Variants in CACNB2 observed in about 807,000 individuals in gnomAD.
CACNB2 encodes the protein voltage-dependent L-type calcium channel subunit beta-2.
Under a neutral mutation model 73.3 loss-of-function variants are expected in CACNB2, and 42 were observed. The observed-to-expected ratio is 0.57, with a 90% CI of 0.45 to 0.74. The LOEUF is 0.74. Ranked by LOEUF, CACNB2 falls within the 30% of genes least tolerant of loss-of-function variation. The pLI, the probability that CACNB2 is intolerant of heterozygous loss-of-function variation, is 0.00. For missense variants in CACNB2, 940 were observed against 853.0 expected, an observed-to-expected ratio of 1.10 and a Z score of -1.27; for synonymous variants, 348 against 310.3, an observed-to-expected ratio of 1.12 and a Z score of -1.28.
At chr10:18,350,587 A>G (rs577311086) in intron 2 of CACNB2, among the ~76,000 whole-genome samples, 7 of 152,064 alleles carry the variant, frequency 4.6e-5, no homozygotes, top group Non-Finnish European at 1.0e-4. Context: ...ACCCAGGGGT[A>G]CCTCCTTGAC....
intron 3 of CACNB2, among the ~76,000 whole-genome samples, chr10:18,453,174 C>G (rs1171728509): frequency 6.6e-6 from 1 of 152,174 alleles, no homozygotes; most frequent in African/African-American, 2.4e-5. Flanking sequence ...TCCTCTCTCT[C>G]TTGCTTTTCC....
intron 2 of CACNB2, among the ~76,000 whole-genome samples, chr10:18,162,069 T>C (rs1397630964): frequency 6.6e-6 from 1 of 152,214 alleles, no homozygotes; most frequent in Non-Finnish European, 1.5e-5. Flanking sequence ...GTTTTCCTTT[T>C]ATTCTTTTCT....
At chr10:18,495,900 T>G (rs1333565235) in intron 3 of CACNB2, among the ~76,000 whole-genome samples, 2 of 151,964 alleles carry the variant, frequency 1.3e-5, no homozygotes, top group African/African-American at 4.8e-5. Context: ...TGTACACATT[T>G]ATTTACGTGT....
chr10:18,234,971 G>A (rs1429890648), intron 2 of CACNB2, among the ~76,000 whole-genome samples: 1 of 151,282 alleles, frequency 6.6e-6, no homozygotes, highest in African/African-American at 2.4e-5. Context: ...GTGAAACCCC[G>A]TCTCTACTAA....
At chr10:18,497,008 C>T (rs1350118935) in intron 3 of CACNB2, among the ~76,000 whole-genome samples, 12 of 150,880 alleles carry the variant, frequency 8.0e-5, no homozygotes, top group Non-Finnish European at 1.2e-4. Flanking sequence ...GTCAGGGGTT[C>T]GAGACCAGCT....
chr10:18,201,199 G>C (rs1299557309), intron 2 of CACNB2, among the ~76,000 whole-genome samples: 2 of 151,722 alleles, frequency 1.3e-5, no homozygotes, highest in African/African-American at 2.4e-5. Flanking sequence ...CACTGTGGTT[G>C]GTTGTTCATT....
At chr10:18,186,411 C>G (rs1353934806) in intron 2 of CACNB2, among the ~76,000 whole-genome samples, 1 of 148,688 alleles carries the variant, frequency 6.7e-6, no homozygotes, top group Non-Finnish European at 1.5e-5. Context: ...AAGAGTGAAA[C>G]TCCGTCTGAA....
At chr10:18,499,184 G>C (rs1006947626) in intron 4 of CACNB2, among the ~76,000 whole-genome samples, 2 of 152,076 alleles carry the variant, frequency 1.3e-5, no homozygotes, top group Non-Finnish European at 2.9e-5. Flanking sequence ...GTGATCCTGA[G>C]GTTTTTCTTG....
chr10:18,344,595 C>T (rs1262011205), intron 2 of CACNB2, among the ~76,000 whole-genome samples: 1 of 152,140 alleles, frequency 6.6e-6, no homozygotes, highest in South Asian at 2.1e-4. Context: ...TGGTCTCGAA[C>T]TCCTGACCTC....
chr10:18,370,503 T>C (rs1462495259), intron 2 of CACNB2, among the ~76,000 whole-genome samples: 3 of 152,230 alleles, frequency 2.0e-5, no homozygotes, highest in Non-Finnish European at 4.4e-5. Context: ...TTTCGCCATG[T>C]TGGCCAGGCT....
intron 2 of CACNB2, among the ~76,000 whole-genome samples, chr10:18,292,112 TTTGTGTTGAGTAAAGATTGC>T (rs2039089668): frequency 2.0e-5 from 3 of 152,172 alleles, no homozygotes; most frequent in Non-Finnish European, 4.4e-5. Context: ...TCCAAAACTG[TTTGTGTTGAGTAAAGATTGC>T]CTAGATTTCT....
chr10:18,393,256 A>G lies in CACNB2; in HGVS notation c.214-8668A>G, dbSNP rs561588131. ...CAGTAGATATATATTAAAGGCCTAG[A>G]AAATTTTCCCAAAACACACATACAC... is the stretch of plus-strand genomic sequence containing the variant. On this transcript the variant is annotated intron_variant, in intron 2 of 13. Transcript: ENST00000324631. Among the ~76,000 whole-genome samples the G allele has an allele frequency of 3.3e-5, 5 of 152,266 alleles. No homozygotes were observed. The South Asian group carries it at 1.0e-3, about 32-fold the overall frequency.
chr10:18,359,677 A>G (rs7080181), intron 2 of CACNB2, among the ~76,000 whole-genome samples: 77,136 of 151,250 alleles, frequency 0.51, 20,643 homozygotes, highest in East Asian at 0.94. Flanking sequence ...ATAGGTATAC[A>G]TATGCCATGG....
intron 2 of CACNB2, among the ~76,000 whole-genome samples, chr10:18,354,083 A>G (rs1396920163): frequency 6.6e-6 from 1 of 152,178 alleles, no homozygotes; most frequent in Non-Finnish European, 1.5e-5. Flanking sequence ...GTGACATTGG[A>G]CAAATTATCC....
At chr10:18,380,897 G>A (rs1305243953) in intron 2 of CACNB2, among the ~76,000 whole-genome samples, 1 of 152,050 alleles carries the variant, frequency 6.6e-6, no homozygotes, top group African/African-American at 2.4e-5. Context: ...AAAATGTGTA[G>A]ACTTTTCACC....
rs563963689 is a variant in CACNB2 at position 18,452,525 on chromosome 10, G to A, written c.334-45830G>A. 7.5e-4 allele frequency among the ~76,000 whole-genome samples: 114 copies of A among 152,140 alleles called. 1 individual carries two copies. Among genetic ancestry groups the A allele is most frequent in the Non-Finnish European group, 1.3e-3 (88 of 68,020 alleles). On this transcript the variant is annotated intron_variant, in intron 3 of 13. Coordinates refer to ENST00000324631, the MANE Select transcript of CACNB2 (RefSeq NM_201596.3). ...TTCAATTAATCTTTGCAAAAATAAA[G>A]GTTATCAAGGTTGACCTTTTTTAAT...
At chr10:18,321,025 A>C (rs1475046431) in intron 2 of CACNB2, among the ~76,000 whole-genome samples, 1 of 152,338 alleles carries the variant, frequency 6.6e-6, no homozygotes, top group Non-Finnish European at 1.5e-5. Context: ...CTATTAGTAA[A>C]TCCTTTATTT....
chr10:18,304,663 C>T (rs138464705), intron 2 of CACNB2, among the ~76,000 whole-genome samples: 3 of 152,264 alleles, frequency 2.0e-5, no homozygotes, highest in Non-Finnish European at 2.9e-5. Flanking sequence ...CTTTGCCTGC[C>T]GCTGCACAGG....
chr10:18,233,623 A>C (rs2036309617), intron 2 of CACNB2, among the ~76,000 whole-genome samples: 1 of 152,180 alleles, frequency 6.6e-6, no homozygotes, highest in Admixed American at 6.5e-5. Context: ...CAGCACTTTG[A>C]ACATCTTTGT....
Sources: allele counts gnomAD v4.1 joint callset (sites outside exome capture counted in the v4.1 genomes callset), GRCh38; gene constraint gnomAD v4.1.1; transcripts MANE v1.5; gene names NCBI Gene and HGNC (gene_info 2026-07-23, HGNC 2026-07-21).